Variants in FER1L6 observed in about 807,000 individuals in gnomAD.
FER1L6 encodes the protein fer-1 like family member 6.
In FER1L6, 177 loss-of-function variants were observed where a neutral mutation model predicts 219.2. The observed-to-expected ratio is 0.81, with a 90% CI of 0.71 to 0.91. The LOEUF (loss-of-function observed/expected upper bound fraction) is 0.91. FER1L6 is among the 40% of genes least tolerant of loss of function. The pLI, the probability that FER1L6 is intolerant of heterozygous loss-of-function variation, is 0.00. For synonymous variants in FER1L6, 768 were observed against 824.3 expected (o/e 0.93, Z 1.17); for missense variants, 2,153 against 2,259.9 (o/e 0.95, Z 0.96).
At chr8:124,072,990 G>C (rs555169365) in intron 31 of FER1L6, among the ~76,000 whole-genome samples, 2 of 152,210 alleles carry the variant, frequency 1.3e-5, no homozygotes, top group Non-Finnish European at 2.9e-5. Context: ...AAGGCTCTGA[G>C]AATTTCAGAA....
intron 37 of FER1L6, among the ~76,000 whole-genome samples, 162 bp from the exon 38 acceptor site, chr8:124,100,930 CTATTT>C (rs1463771151): frequency 6.6e-6 from 1 of 152,110 alleles, no homozygotes; most frequent in Non-Finnish European, 1.5e-5. Context: ...CCTCTGACCC[CTATTT>C]TATTCTTTCA....
At chr8:123,971,943 C>G (rs1815841056) in intron 6 of FER1L6, among the ~76,000 whole-genome samples, 1 of 152,324 alleles carries the variant, frequency 6.6e-6, no homozygotes, top group African/African-American at 2.4e-5. Context: ...GGATGGATGA[C>G]TTTAAGAGGC....
chr8:124,023,388 A>G (rs878932943), intron 17 of FER1L6, 56 bp from the exon 18 acceptor site: 6 of 1,569,234 alleles, frequency 3.8e-6, no homozygotes, highest in East Asian at 4.5e-5. Context: ...CCTTTGTTCA[A>G]TGCCAACCTT....
intron 1 of FER1L6, among the ~76,000 whole-genome samples, chr8:123,916,027 C>T (rs1040861211): frequency 2.6e-5 from 4 of 152,148 alleles, no homozygotes; most frequent in African/African-American, 9.7e-5. Flanking sequence ...CAAGGCGAGC[C>T]TGTGTTGATC....
rs748228872 is a variant in FER1L6 at position 123,976,009 on chromosome 8, C to A, written c.795C>A (p.Asn265Lys). Residue 265 changes from asparagine (N) to lysine (K), a missense_variant, in exon 9 of 41, where the codon AAC becomes AAA. Transcript: ENST00000522917. ...AAATGAATTCAAGCATCATGGCGAA[C>A]GTCACCAAGGCATTTGTGGGTGACA... ...LPKMNSSIMA[N>K]VTKAFVGDSK... 2 of 1,614,064 alleles carry A rather than the reference C, an allele frequency of 1.2e-6. No homozygotes were observed. Among genetic ancestry groups the A allele is most frequent in the Non-Finnish European group, 1.7e-6 (2 of 1,179,954 alleles).
chr8:124,069,245 T>A, intron 28 of FER1L6, 115 bp from the exon 29 acceptor site: 1 of 794,480 alleles, frequency 1.3e-6, no homozygotes, highest in Non-Finnish European at 2.1e-6. Flanking sequence ...CACAAGTTAC[T>A]ATTTCTGAAG....
intron 1 of FER1L6, among the ~76,000 whole-genome samples, chr8:123,875,070 C>T (rs1217369001): frequency 6.6e-6 from 1 of 152,110 alleles, no homozygotes; most frequent in African/African-American, 2.4e-5. Context: ...TGGTGGGCAC[C>T]TGTAGTCCCA....
At chr8:123,862,688 T>G (rs1448746497) in intron 1 of FER1L6, among the ~76,000 whole-genome samples, 1 of 141,064 alleles carries the variant, frequency 7.1e-6, no homozygotes, top group Admixed American at 6.9e-5. Context: ...AGATTCAACT[T>G]CTTCCTGGTT....
chr8:123,952,048 T>C (rs1169653244), intron 1 of FER1L6, among the ~76,000 whole-genome samples: 1 of 152,230 alleles, frequency 6.6e-6, no homozygotes, highest in Non-Finnish European at 1.5e-5. Context: ...TTTCTAATCC[T>C]GGCTTTGCCG....
intron 1 of FER1L6, among the ~76,000 whole-genome samples, chr8:123,889,339 G>A (rs1376025705): frequency 6.6e-6 from 1 of 152,158 alleles, no homozygotes; most frequent in Non-Finnish European, 1.5e-5. Context: ...ATATAAATGA[G>A]TAAGTGCACT....
intron 1 of FER1L6, among the ~76,000 whole-genome samples, chr8:123,909,164 G>A (rs1452007882): frequency 6.6e-6 from 1 of 152,172 alleles, no homozygotes. Flanking sequence ...TCCATCTACA[G>A]GCTAATTCTA....
Position 124,091,507 on chromosome 8 carries a change from C to T in FER1L6, c.4476C>T (p.Pro1492=), listed in dbSNP as rs752074909. The T allele has an allele frequency of 2.5e-6, 4 of 1,613,928 alleles. No individual in the cohort carries two copies. In the African/African-American group the frequency reaches 5.3e-5, roughly 22 times the overall value. ...KLCKDNKLDG[P]YFHPGKIQIG... ...GCAAAGACAACAAGCTGGATGGACC[C>T]TACTTTCACCCTGGGAAAATACAGA... Residue 1492 remains proline (P), a synonymous_variant, in exon 34 of 41, where the codon CCC becomes CCT. Coordinates refer to ENST00000522917, the MANE Select transcript of FER1L6 (RefSeq NM_001039112.2).
Position 124,003,330 on chromosome 8 carries a change from G to T in FER1L6, c.1683G>T (p.Leu561=). ...MASTTHPEKP[L]VTEGNRNYNY... The stretch of plus-strand genomic sequence containing the variant: ...CCACCACTCACCCGGAGAAGCCACT[G>T]GTGACAGAAGGGAACAGGTAGGAGA... The change falls in exon 13 of 41, where the codon CTG becomes CTT. Residue 561 remains leucine, a synonymous_variant. Coordinates refer to ENST00000522917, the MANE Select transcript of FER1L6 (RefSeq NM_001039112.2). The T allele has an allele frequency of 6.2e-7, 1 of 1,612,988 alleles. No homozygotes were observed. Among genetic ancestry groups the T allele is most frequent in the South Asian group, 1.1e-5 (1 of 90,994 alleles).
intron 29 of FER1L6, among the ~76,000 whole-genome samples, chr8:124,070,196 GT>G (rs2130866171): frequency 6.6e-6 from 1 of 152,214 alleles, no homozygotes; most frequent in East Asian, 1.9e-4. Context: ...GCTCTAAAAG[GT>G]TTGTTGTATC....
At chr8:124,055,808 C>T (rs191521367) in intron 22 of FER1L6, among the ~76,000 whole-genome samples, 2 of 152,258 alleles carry the variant, frequency 1.3e-5, no homozygotes, top group African/African-American at 2.4e-5. Context: ...GGTCCCTCAT[C>T]GGGGCATCAG....
At chr8:123,872,952 G>A (rs985796172) in intron 1 of FER1L6, among the ~76,000 whole-genome samples, 3 of 152,188 alleles carry the variant, frequency 2.0e-5, no homozygotes, top group African/African-American at 7.2e-5. Context: ...TGGACATGAT[G>A]TTCCCTCTGT....
intron 1 of FER1L6, among the ~76,000 whole-genome samples, chr8:123,878,723 T>C (rs977633958): frequency 6.6e-6 from 1 of 152,262 alleles, no homozygotes; most frequent in Non-Finnish European, 1.5e-5. Flanking sequence ...AATACTTTTT[T>C]TTGCCTTGTC....
intron 5 of FER1L6, among the ~76,000 whole-genome samples, 166 bp downstream of exon 5, chr8:123,966,456 C>T (rs1481340544): frequency 2.0e-5 from 3 of 152,198 alleles, no homozygotes; most frequent in African/African-American, 7.2e-5. Context: ...CCCCCTAAAG[C>T]TTTTCACAAA....
rs1416526667 is a variant in FER1L6, at chr8:124,066,468, A to T, written c.3596A>T (p.Lys1199Met). 1.2e-6 allele frequency: 2 copies of T among 1,614,006 alleles called. No homozygotes were observed. Among genetic ancestry groups the T allele is most frequent in the Non-Finnish European group, 1.7e-6 (2 of 1,179,986 alleles). ...KPSRRSTKRR[K>M]RTIADESAEN... ...TCCCGGAGGTCCACTAAGAGGAGAA[A>T]GAGGACCATAGCAGATGAATCTGCT... Residue 1199 changes from lysine to methionine, a missense_variant, in exon 27 of 41, where the codon AAG becomes ATG. Lys to Met is a moderately conservative substitution (Grantham distance 95). Coordinates refer to ENST00000522917, the MANE Select transcript of FER1L6 (RefSeq NM_001039112.2).
Sources: allele counts gnomAD v4.1 joint callset (sites outside exome capture counted in the v4.1 genomes callset), GRCh38; gene constraint gnomAD v4.1.1; transcripts MANE v1.5; gene names NCBI Gene and HGNC (gene_info 2026-07-23, HGNC 2026-07-21).